NPAS3: variants seen among roughly 807,000 people sequenced by gnomAD.
The protein encoded by NPAS3 is neuronal PAS domain protein 3, also known as neuronal PAS domain-containing protein 3.
NPAS3 carries 14 observed loss-of-function variants against 73.1 expected under a neutral mutation model. The observed-to-expected ratio is 0.19, with a 90% CI of 0.13 to 0.30. The LOEUF is 0.30. Ranked by LOEUF, NPAS3 falls within the 10% of genes least tolerant of loss-of-function variation. The pLI, the probability that NPAS3 is intolerant of heterozygous loss-of-function variation, is 1.00. For missense variants in NPAS3, 1,096 were observed against 1,250.0 expected (o/e 0.88, Z 1.86); for synonymous variants, 620 against 541.5 (o/e 1.14, Z -2.01).
intron 5 of NPAS3, 185 bp downstream of exon 5, chr14:33,560,395 A>C: frequency 2.2e-6 from 1 of 457,722 alleles, no homozygotes; most frequent in Non-Finnish European, 3.9e-6. Flanking sequence ...TTCAGAATAA[A>C]CTTGTGCTCA....
chr14:33,541,721 C>G (rs2054529324), intron 4 of NPAS3, among the ~76,000 whole-genome samples: 1 of 152,166 alleles, frequency 6.6e-6, no homozygotes, highest in Non-Finnish European at 1.5e-5. Flanking sequence ...TGTACAAACA[C>G]CAGGAGTTTT....
At chr14:33,776,774 G>A (rs61973019) in intron 8 of NPAS3, among the ~76,000 whole-genome samples, 4,647 of 152,146 alleles carry the variant, frequency 0.031, 98 homozygotes, top group Non-Finnish European at 0.047. Context: ...AGAAGAAACT[G>A]AGTCTCAGAG....
rs150498591 is a variant in NPAS3 at position 33,170,216 on chromosome 14, C to T, written c.141-44966C>T. Among the ~76,000 whole-genome samples, 1,461 of 152,230 alleles carry T rather than the reference C, an allele frequency of 9.6e-3. 23 individuals carry two copies. The highest frequency in any genetic ancestry group is 0.012 in the Non-Finnish European group (794 of 67,996). ...ATGAAGCGAGTCATATTTTTGGTTT[C>T]CAAGTGCATATAAAAGTTATATTAA... On this transcript the variant is annotated intron_variant, in intron 2 of 11. Coordinates refer to ENST00000356141, the Ensembl canonical transcript of NPAS3.
intron 6 of NPAS3, among the ~76,000 whole-genome samples, chr14:33,717,981 T>C (rs1230416813): frequency 6.7e-6 from 1 of 149,082 alleles, no homozygotes; most frequent in Non-Finnish European, 1.5e-5. Context: ...ATTTTTGGAA[T>C]ACCTGCTTTT....
intron 4 of NPAS3, among the ~76,000 whole-genome samples, chr14:33,377,665 A>G (rs1046967706): frequency 6.6e-6 from 1 of 152,200 alleles, no homozygotes; most frequent in Non-Finnish European, 1.5e-5. Flanking sequence ...GTCATCATTC[A>G]CTGAGAAAGA....
intron 2 of NPAS3, among the ~76,000 whole-genome samples, chr14:33,206,721 G>A (rs1339755605): frequency 2.0e-5 from 3 of 152,140 alleles, no homozygotes; most frequent in Non-Finnish European, 4.4e-5. Context: ...CTTTGATGGT[G>A]CTGTATACTG....
At chr14:33,039,446 C>T (rs1199479192) in intron 1 of NPAS3, among the ~76,000 whole-genome samples, 1 of 152,166 alleles carries the variant, frequency 6.6e-6, no homozygotes, top group Non-Finnish European at 1.5e-5. Flanking sequence ...CTTTGCTCCC[C>T]ACCCCCTCTT....
chr14:33,415,247 A>T (rs1033923915), intron 4 of NPAS3, among the ~76,000 whole-genome samples: 4 of 152,114 alleles, frequency 2.6e-5, no homozygotes, highest in Admixed American at 6.5e-5. Flanking sequence ...TCATGAAGAG[A>T]TTCCATCCTT....
At chr14:33,588,421 G>A (rs764909949) in intron 5 of NPAS3, among the ~76,000 whole-genome samples, 5 of 152,294 alleles carry the variant, frequency 3.3e-5, no homozygotes, top group Admixed American at 6.5e-5. Flanking sequence ...ATGCTTGATC[G>A]ATCTTTCAAA....
chr14:33,659,910 C>A (rs917391695), intron 5 of NPAS3, among the ~76,000 whole-genome samples: 7 of 151,960 alleles, frequency 4.6e-5, no homozygotes, highest in African/African-American at 1.5e-4. Flanking sequence ...ATAAAGGAAC[C>A]AAATGGACTT....
At chr14:33,058,734 T>A (rs561341052) in intron 2 of NPAS3, among the ~76,000 whole-genome samples, 45 of 152,374 alleles carry the variant, frequency 3.0e-4, no homozygotes, top group African/African-American at 1.0e-3. Flanking sequence ...TGTGTATGTG[T>A]ACATATAACT....
intron 2 of NPAS3, among the ~76,000 whole-genome samples, chr14:33,138,908 G>T (rs2139160412): frequency 6.6e-6 from 1 of 152,322 alleles, no homozygotes; most frequent in South Asian, 2.1e-4. Context: ...GAAAGAGGAA[G>T]AACTGGATGC....
intron 3 of NPAS3, among the ~76,000 whole-genome samples, chr14:33,358,674 T>C (rs1349855462): frequency 6.6e-6 from 1 of 152,224 alleles, no homozygotes; most frequent in Non-Finnish European, 1.5e-5. Context: ...AGTATCCCAG[T>C]AGACTCTGAT....
intron 3 of NPAS3, among the ~76,000 whole-genome samples, chr14:33,362,043 CAAT>C (rs746673081): frequency 3.3e-5 from 5 of 152,106 alleles, no homozygotes; most frequent in Non-Finnish European, 5.9e-5. Context: ...TATATGAAAA[CAAT>C]AACAGTGCGT....
At chr14:33,580,006 T>C (rs1280240088) in intron 5 of NPAS3, among the ~76,000 whole-genome samples, 1 of 152,244 alleles carries the variant, frequency 6.6e-6, no homozygotes, top group Non-Finnish European at 1.5e-5. Flanking sequence ...TTGTGTTTTA[T>C]AGACAAGCCA....
chr14:33,502,175 G>C (rs1011562150), intron 4 of NPAS3, among the ~76,000 whole-genome samples: 2 of 151,926 alleles, frequency 1.3e-5, no homozygotes, highest in Non-Finnish European at 2.9e-5. Context: ...GCAAATGGCA[G>C]CTGGGGTTAG....
chr14:33,763,459 A>G (rs1395697116), intron 7 of NPAS3, among the ~76,000 whole-genome samples: 2 of 152,176 alleles, frequency 1.3e-5, no homozygotes, highest in Non-Finnish European at 2.9e-5. Context: ...AAAGTTACAG[A>G]GGCTTAGGGT....
chr14:33,728,173 C>A (rs557959280), intron 6 of NPAS3, among the ~76,000 whole-genome samples: 1 of 152,168 alleles, frequency 6.6e-6, no homozygotes, highest in South Asian at 2.1e-4. Flanking sequence ...CAAGTAGTAA[C>A]CCCTGCCAGG....
At chr14:33,430,574 TG>T (rs1316156076) in intron 4 of NPAS3, among the ~76,000 whole-genome samples, 7 of 152,220 alleles carry the variant, frequency 4.6e-5, no homozygotes, top group African/African-American at 1.7e-4. Flanking sequence ...ACAAGACAAC[TG>T]TTCCTCACCC....
Sources: gnomAD v4.1 joint callset for allele counts (sites outside exome capture counted in the v4.1 genomes callset) on GRCh38, gnomAD v4.1.1 for gene constraint, MANE v1.5 for transcripts, NCBI Gene and HGNC (gene_info 2026-07-23, HGNC 2026-07-21) for gene names.